TBC1D4: variants seen among roughly 807,000 people sequenced by gnomAD.
The protein encoded by TBC1D4 is TBC (Tre-2, BUB2, CDC16) domain-containing protein.
In TBC1D4, 121 loss-of-function variants were observed where a neutral mutation model predicts 142.5. The observed-to-expected ratio is 0.85, with a 90% CI of 0.73 to 0.99. The LOEUF is 0.99. Ranked by LOEUF, TBC1D4 falls within the 50% of genes least tolerant of loss-of-function variation. The probability of loss-of-function intolerance (pLI) is 0.00; values close to 1 mark genes in which losing one functional copy is unlikely to be tolerated. For synonymous variants in TBC1D4, 630 were observed against 628.2 expected (o/e 1.00, Z -0.04); for missense variants, 1,475 against 1,606.6 (o/e 0.92, Z 1.40).
Position 75,481,823 on chromosome 13 carries a change from C to G in TBC1D4, c.-56G>C. On this transcript the variant is annotated 5_prime_UTR_variant, in exon 1 of 21. Transcript: ENST00000377636. ...CCGGCCGGGCGCACCGCGCCCCCCACTCCCGCGCAGAAGGCGCCGCCGAAA... is the reference window on the plus strand; with the variant it reads ...CCGGCCGGGCGCACCGCGCCCCCCAGTCCCGCGCAGAAGGCGCCGCCGAAA... 2 of 1,429,594 alleles carry G rather than the reference C, an allele frequency of 1.4e-6. No individual in the cohort carries two copies. Among genetic ancestry groups the G allele is most frequent in the South Asian group, 1.5e-5 (1 of 65,256 alleles). 88.6% of individuals were successfully genotyped at this position (1,429,594 alleles called of 1,614,324 possible).
At position 75,394,904 on chromosome 13, in the gene TBC1D4, G is replaced by A. The variant is rs1026345839; in HGVS notation, c.499-32297C>T. Among the ~76,000 whole-genome samples, 5 of 152,216 alleles carry A rather than the reference G, an allele frequency of 3.3e-5. No homozygotes were observed. In the South Asian group the frequency reaches 8.3e-4, roughly 25 times the overall value. On this transcript the variant is annotated intron_variant, in intron 1 of 20. Transcript: ENST00000377636. ...AACATTTATTGAGCAACTGCAATGT[G>A]CAAAACCTTGCTACAATTTGACAGA...
At chr13:75,346,186 G>T (rs1166484119) in intron 5 of TBC1D4, among the ~76,000 whole-genome samples, 3 of 152,036 alleles carry the variant, frequency 2.0e-5, no homozygotes, top group African/African-American at 7.2e-5. Flanking sequence ...CTAAGTTTTG[G>T]GATACATGTG....
rs745637358 is a variant in TBC1D4, at chr13:75,302,383, C to T, written c.2771G>A (p.Arg924Gln). 5 of 1,614,094 alleles carry T rather than the reference C, an allele frequency of 3.1e-6. No homozygotes were observed. Among genetic ancestry groups the T allele is most frequent in the Non-Finnish European group, 3.4e-6 (4 of 1,180,004 alleles). ...LLKEGVPKSR[R>Q]GEIWQFLALQ... is the part of the protein sequence containing the mutation. ...AGCCAGAAACTGCCAAATTTCTCCT[C>T]GTCGACTTTTGGGAACTCCTACAAT... Residue 924 changes from arginine (R) to glutamine (Q), a missense_variant, in exon 16 of 21, where the codon CGA becomes CAA. By Grantham distance (43) the Arg-to-Gln change is conservative (BLOSUM62 1). Coordinates refer to ENST00000377636, the MANE Select transcript of TBC1D4 (RefSeq NM_014832.5).
At position 75,336,946 on chromosome 13, in the gene TBC1D4, C is replaced by G. The variant is rs758864391; in HGVS notation, c.1706G>C (p.Ser569Thr). The part of the protein sequence containing the change: ...LKNKAKRSLT[S>T]SLENIFSRGA... ...CCTTGAGAAGATATTTTCCAGGGAG[C>G]TAGTTAAGGATCTCTTAGCTTTATT... The change falls in exon 8 of 21, where the codon AGC becomes ACC. Residue 569 changes from serine (S) to threonine (T), a missense_variant. By Grantham distance (58) the Ser-to-Thr change is moderately conservative (BLOSUM62 1). Transcript: ENST00000377636. 1.9e-6 allele frequency: 3 copies of G among 1,613,416 alleles called. No individual in the cohort carries two copies. Among genetic ancestry groups the G allele is most frequent in the Non-Finnish European group, 2.5e-6 (3 of 1,179,800 alleles).
At chr13:75,298,386 G>A (rs573038847) in intron 17 of TBC1D4, among the ~76,000 whole-genome samples, 29 of 152,228 alleles carry the variant, frequency 1.9e-4, no homozygotes, top group Admixed American at 7.2e-4. Context: ...GTCTGAGGTA[G>A]GCTAAAGACA....
At chr13:75,343,089 A>C (rs1469986280) in intron 5 of TBC1D4, among the ~76,000 whole-genome samples, 1 of 152,248 alleles carries the variant, frequency 6.6e-6, no homozygotes, top group Non-Finnish European at 1.5e-5. Context: ...GTATTAGTCT[A>C]TAAGTACATT....
chr13:75,367,044 T>C lies in TBC1D4; in HGVS notation c.499-4437A>G. The C allele has an allele frequency of 5.4e-6, 5 of 933,624 alleles. 1 individual carries two copies. The South Asian group carries it at 2.5e-4, about 46-fold the overall frequency. The allele number at this position is 933,624 out of a possible 1,614,324, so 57.8% of individuals were successfully genotyped here. A position where few individuals can be genotyped will look rare whatever the true frequency, so the allele number is the denominator to read the frequency against. On this transcript the variant is annotated intron_variant, in intron 1 of 20. Coordinates refer to ENST00000377636, the MANE Select transcript of TBC1D4 (RefSeq NM_014832.5). ...TAAGCTGGCGGTATTTTCATTGTATTTATTAAAGTCCACGTTATCACTATG... is the reference window on the plus strand; with the variant it reads ...TAAGCTGGCGGTATTTTCATTGTATCTATTAAAGTCCACGTTATCACTATG...
At chr13:75,397,135 G>A (rs2138331796) in intron 1 of TBC1D4, among the ~76,000 whole-genome samples, 1 of 152,012 alleles carries the variant, frequency 6.6e-6, no homozygotes, top group East Asian at 1.9e-4. Flanking sequence ...TCTGATTAAA[G>A]CAGAGAAGGC....
intron 1 of TBC1D4, among the ~76,000 whole-genome samples, chr13:75,463,753 C>T (rs961211633): frequency 5.3e-5 from 8 of 152,164 alleles, no homozygotes; most frequent in African/African-American, 1.9e-4. Context: ...AACATCAGCT[C>T]ATCTTATTAT....
At chr13:75,357,796 A>C (rs1341261405) in intron 3 of TBC1D4, among the ~76,000 whole-genome samples, 1 of 152,174 alleles carries the variant, frequency 6.6e-6, no homozygotes, top group Non-Finnish European at 1.5e-5. Context: ...AGAGCCAGCC[A>C]CTCAGTGAGG....
intron 3 of TBC1D4, among the ~76,000 whole-genome samples, chr13:75,358,074 G>A (rs1882196988): frequency 6.6e-6 from 1 of 152,068 alleles, no homozygotes; most frequent in African/African-American, 2.4e-5. Flanking sequence ...TGTGGGGTGG[G>A]AGGCACAGCT....
At chr13:75,341,091 A>G (rs1213715923) in intron 7 of TBC1D4, 34 bp downstream of exon 7, 3 of 1,584,372 alleles carry the variant, frequency 1.9e-6, no homozygotes, top group Middle Eastern at 3.3e-4. Flanking sequence ...TTAAACAACA[A>G]CAAAAGTAGG....
At chr13:75,305,031 C>T (rs557575466) in intron 15 of TBC1D4, among the ~76,000 whole-genome samples, 21 of 152,188 alleles carry the variant, frequency 1.4e-4, no homozygotes, top group African/African-American at 3.6e-4. Context: ...GAGAAGGACC[C>T]GGTGGGACAT....
chr13:75,456,519 C>T (rs376420464), intron 1 of TBC1D4, among the ~76,000 whole-genome samples: 1 of 151,846 alleles, frequency 6.6e-6, no homozygotes, highest in Non-Finnish European at 1.5e-5. Flanking sequence ...AAGATAACAT[C>T]CAAATGGCCA....
At chr13:75,357,367 T>G (rs192190444) in intron 3 of TBC1D4, among the ~76,000 whole-genome samples, 4 of 152,096 alleles carry the variant, frequency 2.6e-5, no homozygotes, top group Non-Finnish European at 5.9e-5. Flanking sequence ...CAGATTAAAT[T>G]TGCACGGTGA....
At chr13:75,422,661 T>C (rs1177735770) in intron 1 of TBC1D4, among the ~76,000 whole-genome samples, 1 of 152,178 alleles carries the variant, frequency 6.6e-6, no homozygotes, top group Non-Finnish European at 1.5e-5. Context: ...ATAGTGCCAG[T>C]AAGACTATGG....
At position 75,299,491 on chromosome 13, in the gene TBC1D4, A is replaced by G. The variant is rs1402396121; in HGVS notation, c.2995T>C (p.Ser999Pro). Residue 999 changes from serine (S) to proline (P), a missense_variant, in exon 17 of 21, where the codon TCT (serine) becomes CCT (proline). Coordinates refer to ENST00000377636, the MANE Select transcript of TBC1D4 (RefSeq NM_014832.5). Reference protein sequence around the residue: ...LSLFNLLKAYSLLDKEVGYCQ... With the variant: ...LSLFNLLKAYPLLDKEVGYCQ... ...TATCCCACTTCTTTGTCCAGCAAAG[A>G]ATAGGCTTTCAGGAGGTTAAACAGT... 24 of 1,614,200 alleles carry G rather than the reference A, an allele frequency of 1.5e-5. No individual in the cohort carries two copies. The highest frequency in any genetic ancestry group is 2.0e-5 in the Non-Finnish European group (24 of 1,180,036).
chr13:75,395,124 C>T (rs767290654), intron 1 of TBC1D4, among the ~76,000 whole-genome samples: 9 of 152,148 alleles, frequency 5.9e-5, no homozygotes, highest in Non-Finnish European at 1.0e-4. Flanking sequence ...GCTGCCATTC[C>T]TTTGTGTTAA....
At position 75,302,251 on chromosome 13, in the gene TBC1D4, A is replaced by G. The variant is rs1206827981; in HGVS notation, c.2903T>C (p.Val968Ala). The G allele has an allele frequency of 1.2e-6, 2 of 1,614,188 alleles. No individual in the cohort carries two copies. The highest frequency in any genetic ancestry group is 1.7e-6 in the Non-Finnish European group (2 of 1,180,020). The change falls in exon 16 of 21, where the codon GTG becomes GCG. Residue 968 changes from valine to alanine, a missense_variant. Physicochemically the swap from Val to Ala is moderately conservative, Grantham distance 64. This residue lies in a region of TBC1D4 where 1,227 missense variants were observed against 1,267.7 expected (regional missense o/e 0.97). Coordinates refer to ENST00000377636, the MANE Select transcript of TBC1D4 (RefSeq NM_014832.5). ...QLTAQQHAIL[V>A]DLGRTFPTHP... ...CCACATGACAAACATACCTAAATCC[A>G]CGAGAATCGCATGCTGCTGAGCAGT...
Sources: allele counts gnomAD v4.1 joint callset (sites outside exome capture counted in the v4.1 genomes callset), GRCh38; gene constraint gnomAD v4.1.1; regional missense constraint gnomAD v4.1.1; transcripts MANE v1.5; gene names NCBI Gene and HGNC (gene_info 2026-07-23, HGNC 2026-07-21).